CUBN: variants seen among roughly 807,000 people sequenced by gnomAD.
CUBN encodes 460 kDa receptor.
A neutral mutation model predicts 405.3 loss-of-function variants in CUBN; 282 were observed. That is an observed-to-expected ratio of 0.70 (90% CI 0.63 to 0.77). The LOEUF (loss-of-function observed/expected upper bound fraction) is 0.77. Ranked by LOEUF, CUBN falls within the 30% of genes least tolerant of loss-of-function variation. CUBN has a pLI of 0.00. For missense variants in CUBN, 4,514 were observed against 4,475.2 expected (o/e 1.01, Z -0.25); for synonymous variants, 1,684 against 1,617.0 (o/e 1.04, Z -0.99).
At chr10:16,825,434 G>A (rs1255206492) in intron 66 of CUBN, among the ~76,000 whole-genome samples, 1 of 152,064 alleles carries the variant, frequency 6.6e-6, no homozygotes, top group Non-Finnish European at 1.5e-5. Flanking sequence ...GAATTGGATG[G>A]TATTGAAATT....
chr10:17,085,742 CA>C lies in CUBN; in HGVS notation c.1964del (p.Leu655CysfsTer46). The C allele has an allele frequency of 6.2e-7, 1 of 1,613,846 alleles. No homozygotes were observed. The highest frequency in any genetic ancestry group is 8.5e-7 in the Non-Finnish European group (1 of 1,179,826). Reference protein sequence around the residue: ...KDYLEIRDGPLYQDPLLGKFC... With the variant: ...KDYLEIRDGPXYQDPLLGKFC... ...ACTTCCCAAGAAGGGGGTCCTGATA[CA>C]AAGGACCATCTCGAATCTAAAACAA... is the stretch of plus-strand genomic sequence containing the variant. On this transcript the variant is annotated frameshift_variant, in exon 16 of 67. Coordinates refer to ENST00000377833, the MANE Select transcript of CUBN (RefSeq NM_001081.4). LOFTEE classifies it high-confidence loss of function.
At chr10:16,839,118 T>C (rs1193399549) in intron 62 of CUBN, among the ~76,000 whole-genome samples, 1 of 152,204 alleles carries the variant, frequency 6.6e-6, no homozygotes, top group Non-Finnish European at 1.5e-5. Context: ...GTTCTGGTAC[T>C]GGCACCAAAA....
Position 16,950,105 on chromosome 10 carries a change from T to C in CUBN, c.4976A>G (p.His1659Arg). ...WIIQAQPPLN[H>R]ITLSFTHFEL... ...AAAGTGGGTAAAAGAGAGGGTGATA[T>C]GATTTACTGGAAGAAAAAAGAGAAG... Residue 1659 changes from histidine to arginine, a missense_variant, in exon 34 of 67, where the codon CAT becomes CGT. Around this residue, in one of 5 missense-constraint regions of CUBN, gnomAD observed 1,613 missense variants for 1,542.8 expected, o/e 1.05. Coordinates refer to ENST00000377833, the MANE Select transcript of CUBN (RefSeq NM_001081.4). 3.1e-6 allele frequency: 5 copies of C among 1,611,792 alleles called. No homozygotes were observed. Among genetic ancestry groups the C allele is most frequent in the Non-Finnish European group, 4.2e-6 (5 of 1,178,182 alleles).
chr10:17,098,863 ATACT>A (rs1349105762), intron 14 of CUBN, among the ~76,000 whole-genome samples: 2 of 152,212 alleles, frequency 1.3e-5, no homozygotes, highest in African/African-American at 4.8e-5. Flanking sequence ...AAGATATGGA[ATACT>A]TAGACACTGA....
chr10:17,023,175 T>G (rs1834547249), intron 27 of CUBN, among the ~76,000 whole-genome samples: 3 of 145,534 alleles, frequency 2.1e-5, no homozygotes, highest in African/African-American at 7.6e-5. Context: ...TGGTCTTTAA[T>G]AACACATTGT....
At chr10:16,922,092 T>C (rs1386227120) in intron 43 of CUBN, among the ~76,000 whole-genome samples, 3 of 152,142 alleles carry the variant, frequency 2.0e-5, no homozygotes, top group Non-Finnish European at 4.4e-5. Context: ...TACTTATTTA[T>C]TGTCTGCATC....
At chr10:16,943,340 T>C (rs957100488) in intron 36 of CUBN, among the ~76,000 whole-genome samples, 4 of 152,230 alleles carry the variant, frequency 2.6e-5, no homozygotes, top group African/African-American at 7.2e-5. Context: ...TAACTGATAA[T>C]TGAAATCAGG....
At chr10:17,044,379 T>C (rs970187414) in intron 25 of CUBN, among the ~76,000 whole-genome samples, 15 of 151,012 alleles carry the variant, frequency 9.9e-5, no homozygotes, top group African/African-American at 3.6e-4. Context: ...ACCTTATAAA[T>C]TATATTTAGG....
At chr10:17,031,607 G>A (rs7089873) in intron 27 of CUBN, among the ~76,000 whole-genome samples, 11,590 of 152,196 alleles carry the variant, frequency 0.076, 1,475 homozygotes, top group African/African-American at 0.26. Context: ...ATTCTCTTGC[G>A]AACGAGTGCT....
In CUBN at chr10:16,900,756, A is replaced by T. The variant is rs538864199; in HGVS notation, c.8279T>A (p.Ile2760Lys). Reference sequence around the variant, plus strand: ...GTTTGAATTTCCACAGTATTGTCCTATGATGGGTGATTCAGGGGACCCACC... The same window carrying T: ...GTTTGAATTTCCACAGTATTGTCCTTTGATGGGTGATTCAGGGGACCCACC... ...RNGGSPESPI[I>K]GQYCGNSNPR... is the part of the protein sequence containing the mutation. The change falls in exon 53 of 67, where the codon ATA becomes AAA. Residue 2760 changes from isoleucine to lysine, a missense_variant. Around this residue, in one of 5 missense-constraint regions of CUBN, gnomAD observed 1,186 missense variants for 1,186.9 expected, o/e 1.00. Transcript: ENST00000377833. 1 of 1,614,074 alleles carries T rather than the reference A, an allele frequency of 6.2e-7. No homozygotes were observed. Among genetic ancestry groups the T allele is most frequent in the Admixed American group, 1.7e-5 (1 of 60,016 alleles).
intron 62 of CUBN, 127 bp downstream of exon 62, chr10:16,840,203 C>T (rs759485753): frequency 1.3e-5 from 10 of 783,424 alleles, no homozygotes; most frequent in Non-Finnish European, 1.7e-5. Flanking sequence ...TGCGCATGTA[C>T]CCTAAAACTT....
intron 62 of CUBN, among the ~76,000 whole-genome samples, chr10:16,839,955 C>G (rs1588575035): frequency 6.6e-6 from 1 of 151,800 alleles, no homozygotes; most frequent in Non-Finnish European, 1.5e-5. Flanking sequence ...TCTCAGCAAA[C>G]TATCGCAAGG....
At chr10:17,113,918 G>A in intron 8 of CUBN, 109 bp downstream of exon 8, 1 of 1,100,440 alleles carries the variant, frequency 9.1e-7, no homozygotes. Flanking sequence ...AACTGGATTT[G>A]AACACCTCCT....
intron 31 of CUBN, among the ~76,000 whole-genome samples, chr10:16,961,845 G>A (rs9423731): frequency 0.31 from 46,534 of 150,952 alleles, 7,752 homozygotes; most frequent in Middle Eastern, 0.43. Context: ...CTGAGTAGCT[G>A]GGACTACAGG....
In CUBN at chr10:16,954,545, A is replaced by G; in HGVS notation, c.4699T>C (p.Tyr1567His). The G allele has an allele frequency of 6.2e-7, 1 of 1,613,386 alleles. No homozygotes were observed. Among genetic ancestry groups the G allele is most frequent in the East Asian group, 2.2e-5 (1 of 44,870 alleles). ...GACATTGTGGAGCTTAAGCCATCGT[A>G]TGCCTACAAGAAAGGAGACAGGGCA... ...LEPQDSCIMA[Y>H]DGLSSTMSRL... is the part of the protein sequence containing the mutation. Residue 1567 changes from tyrosine to histidine, a missense_variant, in exon 32 of 67, where the codon TAC becomes CAC. Physicochemically the swap from Tyr to His is moderately conservative, Grantham distance 83 (BLOSUM62 2). This residue lies in a region of CUBN where 1,613 missense variants were observed against 1,542.8 expected (regional missense o/e 1.05). Transcript: ENST00000377833.
At chr10:17,122,735 G>A in intron 6 of CUBN, 60 bp downstream of exon 6, 1 of 962,684 alleles carries the variant, frequency 1.0e-6, no homozygotes, top group East Asian at 2.4e-5. Context: ...TCTTAACTAT[G>A]GGATGTTTTA....
intron 22 of CUBN, among the ~76,000 whole-genome samples, chr10:17,061,878 G>A (rs1835512098): frequency 6.6e-6 from 1 of 152,162 alleles, no homozygotes; most frequent in Admixed American, 6.5e-5. Flanking sequence ...CATGGCAAAA[G>A]CAATGGATTC....
intron 66 of CUBN, among the ~76,000 whole-genome samples, chr10:16,828,174 T>G (rs7918815): frequency 6.6e-6 from 1 of 151,370 alleles, no homozygotes; most frequent in Non-Finnish European, 1.5e-5. Context: ...AGCTTTTTTT[T>G]AAAAAAACAG....
intron 9 of CUBN, among the ~76,000 whole-genome samples, chr10:17,110,679 C>A (rs948621205): frequency 3.9e-5 from 6 of 152,172 alleles, no homozygotes; most frequent in Non-Finnish European, 8.8e-5. Context: ...AAGCATGCAC[C>A]ACCATGCCCA....
Sources: gnomAD v4.1 joint callset for allele counts (sites outside exome capture counted in the v4.1 genomes callset) on GRCh38, gnomAD v4.1.1 for gene constraint, gnomAD v4.1.1 regional missense constraint, MANE v1.5 for transcripts, NCBI Gene and HGNC (gene_info 2026-07-23, HGNC 2026-07-21) for gene names.